SUGT1: variants seen among roughly 807,000 people sequenced by gnomAD.
SUGT1 encodes SGT1 assembly cochaperone of MIS12 kinetochore complex.
In SUGT1, 15 loss-of-function variants were observed where a neutral mutation model predicts 56.1. The ratio of observed to expected loss-of-function variants is 0.27; its 90% CI spans 0.18 to 0.41. SUGT1 has a LOEUF of 0.41. Ranked by LOEUF, SUGT1 falls within the 10% of genes least tolerant of loss-of-function variation. The probability of loss-of-function intolerance (pLI) is 1.00; values close to 1 mark genes in which losing one functional copy is unlikely to be tolerated. For missense variants in SUGT1, 347 were observed against 382.2 expected, an observed-to-expected ratio of 0.91 and a Z score of 0.77; for synonymous variants, 123 against 128.6, an observed-to-expected ratio of 0.96 and a Z score of 0.30.
rs1474680560 is a variant in SUGT1 at position 52,659,173 on chromosome 13, A to G, written c.258-6A>G. ...GTCTTAATTTGTTTTAAATATATTCATGCAGAATATGTGAATACCATGAAA... is the reference window on the plus strand; with the variant it reads ...GTCTTAATTTGTTTTAAATATATTCGTGCAGAATATGTGAATACCATGAAA... On this transcript the variant is annotated splice_region_variant and splice_polypyrimidine_tract_variant and intron_variant, in intron 4 of 12. Transcript: ENST00000310528. 1.1e-5 allele frequency: 17 copies of G among 1,514,076 alleles called. No homozygotes were observed. Among genetic ancestry groups the G allele is most frequent in the Non-Finnish European group, 1.5e-5 (17 of 1,138,060 alleles). 93.8% of individuals were successfully genotyped at this position (1,514,076 alleles called of 1,614,324 possible).
intron 12 of SUGT1, among the ~76,000 whole-genome samples, chr13:52,686,013 T>C (rs1335646037): frequency 6.6e-6 from 1 of 152,156 alleles, no homozygotes; most frequent in African/African-American, 2.4e-5. Flanking sequence ...TTGCAACCTC[T>C]GCCTGCCAGG....
intron 2 of SUGT1, among the ~76,000 whole-genome samples, chr13:52,654,997 C>T (rs1348814337): frequency 6.6e-6 from 1 of 152,162 alleles, no homozygotes; most frequent in Non-Finnish European, 1.5e-5. Flanking sequence ...GTATTAGTAC[C>T]TTGGTTTTTA....
chr13:52,669,756 C>G (rs1306636634), intron 10 of SUGT1, among the ~76,000 whole-genome samples: 2 of 151,926 alleles, frequency 1.3e-5, no homozygotes, highest in African/African-American at 2.4e-5. Context: ...ATTACTAACT[C>G]TTAAACTATT....
chr13:52,658,578 C>T lies in SUGT1; in HGVS notation c.257+110C>T, dbSNP rs977097295. The T allele has an allele frequency of 5.2e-6, 5 of 955,678 alleles. No individual in the cohort carries two copies. In the African/African-American group the frequency reaches 8.4e-5, roughly 16 times the overall value. 59.2% of individuals were successfully genotyped at this position (955,678 alleles called of 1,614,324 possible). A position where few individuals can be genotyped will look rare whatever the true frequency, so the allele number is the denominator to read the frequency against. ...TAAGTTGTAAAATTCTGTATTTATACATTATATAGCAGAGATATGATTCAA... is the reference window on the plus strand; with the variant it reads ...TAAGTTGTAAAATTCTGTATTTATATATTATATAGCAGAGATATGATTCAA... On this transcript the variant is annotated intron_variant, in intron 4 of 12. Transcript: ENST00000310528.
chr13:52,659,616 A>G (rs1427645305), intron 5 of SUGT1, among the ~76,000 whole-genome samples: 3 of 151,810 alleles, frequency 2.0e-5, no homozygotes, highest in Non-Finnish European at 2.9e-5. Context: ...AAATCTTAAC[A>G]TTAAAGGTTT....
intron 10 of SUGT1, among the ~76,000 whole-genome samples, chr13:52,673,382 G>A (rs905790771): frequency 1.3e-5 from 2 of 151,938 alleles, no homozygotes; most frequent in East Asian, 1.9e-4. Context: ...AGAGTGCCAG[G>A]ATTACACGTG....
intron 2 of SUGT1, among the ~76,000 whole-genome samples, chr13:52,653,984 C>T (rs8000715): frequency 0.94 from 143,310 of 152,304 alleles, 67,447 homozygotes; most frequent in East Asian, 0.99. Flanking sequence ...TTTGAAGGAA[C>T]AAGGGAATTA....
intron 10 of SUGT1, among the ~76,000 whole-genome samples, chr13:52,670,535 G>A (rs1366590654): frequency 6.6e-6 from 1 of 152,068 alleles, no homozygotes; most frequent in African/African-American, 2.4e-5. Flanking sequence ...AGTCGGGCAC[G>A]GTGGGTCATG....
intron 12 of SUGT1, among the ~76,000 whole-genome samples, chr13:52,682,205 A>G (rs1265504228): frequency 3.3e-5 from 5 of 152,060 alleles, no homozygotes; most frequent in Non-Finnish European, 7.4e-5. Flanking sequence ...TATTACATTT[A>G]TTTTTTATTT....
rs905940738 is a variant in SUGT1 at position 52,691,460 on chromosome 13, A to C, written c.*3625A>C. 4 of 152,122 alleles carry C rather than the reference A, an allele frequency of 2.6e-5. No individual in the cohort carries two copies. Among genetic ancestry groups the C allele is most frequent in the Non-Finnish European group, 5.9e-5 (4 of 68,026 alleles). 9.4% of individuals were successfully genotyped at this position (152,122 alleles called of 1,614,324 possible). On this transcript the variant is annotated 3_prime_UTR_variant, in exon 13 of 13. Transcript: ENST00000310528. ...TATCAGATTAGATTATTGATATCTG[A>C]GATATATCACTGACCCAGAGCAAAA...
chr13:52,668,905 T>C (rs1962823944), intron 10 of SUGT1, among the ~76,000 whole-genome samples: 1 of 151,880 alleles, frequency 6.6e-6, no homozygotes. Flanking sequence ...TAATGATAAA[T>C]GACTTAAGAA....
At chr13:52,666,203 A>G (rs1962695881) in intron 9 of SUGT1, among the ~76,000 whole-genome samples, 1 of 152,196 alleles carries the variant, frequency 6.6e-6, no homozygotes, top group Admixed American at 6.5e-5. Flanking sequence ...CTCCTGCCTC[A>G]GCCTCCTGAG....
At chr13:52,680,226 T>G (rs1963317575) in intron 12 of SUGT1, 71 bp downstream of exon 12, 1 of 1,436,950 alleles carries the variant, frequency 7.0e-7, no homozygotes, top group African/African-American at 1.5e-5. Flanking sequence ...AAATTGGTAA[T>G]GTGAGACCAA....
In SUGT1 at chr13:52,700,340, G is replaced by A. The variant is rs943291539; in HGVS notation, c.*12505G>A. The A allele has an allele frequency of 3.9e-5, 6 of 152,088 alleles. No homozygotes were observed. Among genetic ancestry groups the A allele is most frequent in the Admixed American group, 2.0e-4 (3 of 15,262 alleles). The allele number at this position is 152,088 out of a possible 1,614,324, so 9.4% of individuals were successfully genotyped here. On this transcript the variant is annotated 3_prime_UTR_variant, in exon 13 of 13. Coordinates refer to ENST00000310528, the MANE Select transcript of SUGT1 (RefSeq NM_006704.5). ...ATGTTTATATTATACCTGCATAAAA[G>A]TATTTATGTATAGATGTACTTACCT...
rs1356283795 is a variant in SUGT1 at position 52,689,395 on chromosome 13, A to T, written c.*1560A>T. 6.6e-6 allele frequency: 1 copy of T among 152,096 alleles called. No individual in the cohort carries two copies. Among genetic ancestry groups the T allele is most frequent in the Admixed American group, 6.6e-5 (1 of 15,266 alleles). The allele number at this position is 152,096 out of a possible 1,614,324, so 9.4% of individuals were successfully genotyped here. A position where few individuals can be genotyped will look rare whatever the true frequency, so the allele number is the denominator to read the frequency against. On this transcript the variant is annotated 3_prime_UTR_variant, in exon 13 of 13. Coordinates refer to ENST00000310528, the MANE Select transcript of SUGT1 (RefSeq NM_006704.5). ...AGTGACTTTTGTATTCTGTATGTTA[A>T]ATTTTCTCAGTACCATTAATCCTAA... is the stretch of plus-strand genomic sequence containing the variant.
At chr13:52,679,734 T>C (rs1247801681) in intron 11 of SUGT1, among the ~76,000 whole-genome samples, 1 of 152,238 alleles carries the variant, frequency 6.6e-6, no homozygotes, top group African/African-American at 2.4e-5. Flanking sequence ...GTTTACACTT[T>C]ATTGAGTTAT....
chr13:52,657,669 A>G (rs983764073), intron 3 of SUGT1, 47 bp downstream of exon 3: 8 of 1,533,236 alleles, frequency 5.2e-6, no homozygotes, highest in South Asian at 2.3e-5. Flanking sequence ...TAAGTTACTT[A>G]TACATTTTAC....
In SUGT1 at chr13:52,663,121, A is replaced by G. The variant is rs1962541597; in HGVS notation, c.399+9A>G. ...GCTCAGAATCTGAGGTGGTAAGTCC[A>G]AAGTTTTCATTCTTCATGTTTTTAT... On this transcript the variant is annotated intron_variant, in intron 7 of 12. Coordinates refer to ENST00000310528, the MANE Select transcript of SUGT1 (RefSeq NM_006704.5). 3 of 1,608,040 alleles carry G rather than the reference A, an allele frequency of 1.9e-6. No homozygotes were observed. The highest frequency in any genetic ancestry group is 1.7e-6 in the Non-Finnish European group (2 of 1,177,822).
chr13:52,680,691 A>G (rs114350343), intron 12 of SUGT1, among the ~76,000 whole-genome samples: 1,731 of 152,320 alleles, frequency 0.011, 34 homozygotes, highest in African/African-American at 0.039. Flanking sequence ...ACTTTTATTA[A>G]TACCAGTAGC....
Sources: allele counts gnomAD v4.1 joint callset (sites outside exome capture counted in the v4.1 genomes callset), GRCh38; gene constraint gnomAD v4.1.1; transcripts MANE v1.5; gene names NCBI Gene and HGNC (gene_info 2026-07-23, HGNC 2026-07-21).